Variants in TMEM232 observed in about 807,000 individuals in gnomAD.
The protein encoded by TMEM232 is transmembrane protein 232.
Under a neutral mutation model 78.8 loss-of-function variants are expected in TMEM232, and 80 were observed. The observed-to-expected ratio is 1.01, with a 90% CI of 0.85 to 1.22. The LOEUF is 1.22. Among genes scored for constraint, TMEM232 ranks in the 50% most tolerant of loss-of-function variants. The probability of loss-of-function intolerance (pLI) is 0.00; values close to 1 mark genes in which losing one functional copy is unlikely to be tolerated. For missense variants in TMEM232, 881 were observed against 742.2 expected, an observed-to-expected ratio of 1.19 and a Z score of -2.17; for synonymous variants, 297 against 254.3, an observed-to-expected ratio of 1.17 and a Z score of -1.60.
chr5:110,592,317 T>A (rs1055142511), intron 10 of TMEM232, among the ~76,000 whole-genome samples: 2 of 152,158 alleles, frequency 1.3e-5, no homozygotes, highest in Non-Finnish European at 2.9e-5. Flanking sequence ...ATTTTCAACA[T>A]GTTATCAACT....
rs534684342 is a variant in TMEM232, at chr5:110,443,376, A to C, written c.1704-18460T>G. Among the ~76,000 whole-genome samples the C allele has an allele frequency of 2.6e-5, 4 of 152,204 alleles. No individual in the cohort carries two copies. In the East Asian group the frequency reaches 5.8e-4, roughly 22 times the overall value. On this transcript the variant is annotated intron_variant, in intron 12 of 13. Coordinates refer to ENST00000455884, the MANE Select transcript of TMEM232 (RefSeq NM_001039763.4). ...TTGTGGCCACTAATACCACTGGCCC[A>C]TGGGGAATTCTGCCAGGCCACCACT... is the stretch of plus-strand genomic sequence containing the variant.
chr5:110,389,478 A>T (rs1224058856), intron 4 of TMEM232, among the ~76,000 whole-genome samples: 1 of 152,198 alleles, frequency 6.6e-6, no homozygotes, highest in East Asian at 1.9e-4. Flanking sequence ...GAGGATAAAG[A>T]ATTTGAGAAA....
chr5:110,519,835 C>T (rs910614475), intron 12 of TMEM232, among the ~76,000 whole-genome samples: 16 of 149,740 alleles, frequency 1.1e-4, no homozygotes, highest in Non-Finnish European at 1.5e-4. Context: ...TGGAGGGAAC[C>T]GGAGGATATT....
chr5:110,645,039 T>C (rs1262839809), intron 2 of TMEM232, among the ~76,000 whole-genome samples: 1 of 151,164 alleles, frequency 6.6e-6, no homozygotes, highest in African/African-American at 2.4e-5. Context: ...CAAGATGAAA[T>C]AGAAAGCCTA....
chr5:110,455,798 A>G (rs1472667965), intron 12 of TMEM232, among the ~76,000 whole-genome samples: 1 of 152,242 alleles, frequency 6.6e-6, no homozygotes, highest in East Asian at 1.9e-4. Context: ...GGCTCTTTCA[A>G]CATTGAAAAA....
intron 12 of TMEM232, among the ~76,000 whole-genome samples, chr5:110,480,183 T>C (rs1219694237): frequency 1.3e-5 from 2 of 151,964 alleles, no homozygotes; most frequent in African/African-American, 2.4e-5. Context: ...TCAGTGTTAC[T>C]TAAATAAATA....
At chr5:110,391,326 T>TGTGTGAGAGAGAGAGAGAGA (rs549361387) in intron 3 of TMEM232, among the ~76,000 whole-genome samples, 2 of 139,810 alleles carry the variant, frequency 1.4e-5, no homozygotes, top group Admixed American at 7.2e-5. Flanking sequence ...TGTGTGTGTG[T>TGTGTGAGAGAGAGAGAGAGA]GAGAGAGAGA....
chr5:110,570,676 T>G (rs1289844433), intron 10 of TMEM232, among the ~76,000 whole-genome samples: 1 of 152,014 alleles, frequency 6.6e-6, no homozygotes, highest in Non-Finnish European at 1.5e-5. Context: ...GAATAAATAC[T>G]GTAATAGCTT....
At chr5:110,598,453 C>T (rs554130048) in intron 10 of TMEM232, among the ~76,000 whole-genome samples, 4 of 152,166 alleles carry the variant, frequency 2.6e-5, no homozygotes, top group Non-Finnish European at 4.4e-5. Context: ...GTCAGTGTGG[C>T]GATTCCTCAG....
intron 2 of TMEM232, among the ~76,000 whole-genome samples, chr5:110,408,675 A>C (rs1201288475): frequency 1.3e-5 from 2 of 152,164 alleles, no homozygotes; most frequent in Non-Finnish European, 2.9e-5. Flanking sequence ...AAATTCACAA[A>C]TTTTTGGTTA....
intron 12 of TMEM232, among the ~76,000 whole-genome samples, chr5:110,522,534 G>C (rs1010559444): frequency 2.6e-5 from 4 of 152,154 alleles, no homozygotes; most frequent in Non-Finnish European, 5.9e-5. Flanking sequence ...CGAGTATGAT[G>C]TTAGCTGTGG....
intron 2 of TMEM232, among the ~76,000 whole-genome samples, chr5:110,409,256 C>T (rs1386142089): frequency 6.6e-6 from 1 of 152,078 alleles, no homozygotes; most frequent in African/African-American, 2.4e-5. Flanking sequence ...TTTTTCAATG[C>T]CAAATCATAG....
At chr5:110,542,594 A>G (rs997772863) in intron 11 of TMEM232, among the ~76,000 whole-genome samples, 31 of 152,176 alleles carry the variant, frequency 2.0e-4, no homozygotes, top group African/African-American at 7.5e-4. Flanking sequence ...GCAGTTACAG[A>G]AGAAAGACCA....
At chr5:110,663,276 G>A (rs1234014152) in intron 2 of TMEM232, among the ~76,000 whole-genome samples, 1 of 151,910 alleles carries the variant, frequency 6.6e-6, no homozygotes, top group Admixed American at 6.6e-5. Flanking sequence ...CAATTTTTAA[G>A]ACTTCCATAT....
chr5:110,580,062 T>C (rs982974683), intron 10 of TMEM232, among the ~76,000 whole-genome samples: 8 of 151,532 alleles, frequency 5.3e-5, no homozygotes, highest in Admixed American at 4.0e-4. Flanking sequence ...ACGGTCACAA[T>C]AGACTAAGAA....
At chr5:110,461,128 G>C (rs898767082) in intron 12 of TMEM232, among the ~76,000 whole-genome samples, 8 of 151,866 alleles carry the variant, frequency 5.3e-5, no homozygotes, top group African/African-American at 1.5e-4. Context: ...TAGTAAGAAA[G>C]ACATATGAAA....
chr5:110,500,288 C>CAA (rs773716425), intron 12 of TMEM232, among the ~76,000 whole-genome samples: 4,495 of 70,334 alleles, frequency 0.064, 326 homozygotes, highest in East Asian at 0.27. Flanking sequence ...GACTCTGTCT[C>CAA]AAAAAAAAAA....
chr5:110,521,524 T>C (rs1230384708), intron 12 of TMEM232, among the ~76,000 whole-genome samples: 1 of 152,204 alleles, frequency 6.6e-6, no homozygotes, highest in Non-Finnish European at 1.5e-5. Flanking sequence ...AAGAAAACAT[T>C]GTAAAGATCA....
At chr5:110,471,870 A>C (rs1561537292) in intron 12 of TMEM232, among the ~76,000 whole-genome samples, 1 of 152,070 alleles carries the variant, frequency 6.6e-6, no homozygotes, top group African/African-American at 2.4e-5. Flanking sequence ...AAGAGAGAAG[A>C]CTCAAAGAAA....
Sources: gnomAD v4.1 joint callset for allele counts (sites outside exome capture counted in the v4.1 genomes callset) on GRCh38, gnomAD v4.1.1 for gene constraint, MANE v1.5 for transcripts, NCBI Gene and HGNC (gene_info 2026-07-23, HGNC 2026-07-21) for gene names.